RGS7: variants seen among roughly 807,000 people sequenced by gnomAD.
The protein encoded by RGS7 is regulator of G protein signaling 7.
RGS7 carries 27 observed loss-of-function variants against 81.1 expected under a neutral mutation model. The observed-to-expected ratio is 0.33, with a 90% confidence interval of 0.25 to 0.46. The LOEUF (loss-of-function observed/expected upper bound fraction) is 0.46. Ranked by LOEUF, RGS7 falls within the 20% of genes least tolerant of loss-of-function variation. The pLI is 1.00. For missense variants in RGS7, 396 were observed against 607.4 expected (o/e 0.65, Z 3.66); for synonymous variants, 208 against 207.7 (o/e 1.00, Z -0.01).
rs770302201 is a variant in RGS7, at chr1:240,801,560, A to G, written c.1360-52T>C. On this transcript the variant is annotated intron_variant, in intron 16 of 18. Coordinates refer to ENST00000440928, the MANE Select transcript of RGS7 (RefSeq NM_001364886.1). ...GAAGGGAAATAAGGGAAGATTAAAA[A>G]AAAGAAAGAAAGCAAGGAAAACAGA... The G allele has an allele frequency of 1.5e-5, 19 of 1,245,432 alleles. No individual in the cohort carries two copies. In the East Asian group the frequency reaches 3.5e-4, roughly 23 times the overall value. The allele number at this position is 1,245,432 out of a possible 1,614,324, so 77.1% of individuals were successfully genotyped here.
intron 3 of RGS7, among the ~76,000 whole-genome samples, chr1:240,995,660 T>C (rs1405084283): frequency 6.6e-6 from 1 of 151,944 alleles, no homozygotes; most frequent in Non-Finnish European, 1.5e-5. Flanking sequence ...GCAGGTTTTG[T>C]AGTCATTTCC....
At chr1:240,930,638 A>G (rs1209566303) in intron 6 of RGS7, 79 bp downstream of exon 6, 1 of 1,335,438 alleles carries the variant, frequency 7.5e-7, no homozygotes, top group Non-Finnish European at 1.1e-6. Flanking sequence ...TTCTTAATGA[A>G]AAAAGCAATA....
chr1:241,191,800 CGATTTCATGTTGGT>C (rs887501563), intron 2 of RGS7, among the ~76,000 whole-genome samples: 3 of 152,140 alleles, frequency 2.0e-5, no homozygotes, highest in Non-Finnish European at 4.4e-5. Flanking sequence ...TTCAAATTCT[CGATTTCATGTTGGT>C]TTACTTGTAA....
intron 4 of RGS7, among the ~76,000 whole-genome samples, chr1:240,970,246 C>T (rs572373295): frequency 1.1e-4 from 16 of 152,238 alleles, no homozygotes; most frequent in African/African-American, 2.2e-4. Flanking sequence ...CCTTTATCAA[C>T]GGGAAAGATG....
intron 10 of RGS7, among the ~76,000 whole-genome samples, chr1:240,820,551 G>T (rs1211314663): frequency 6.6e-6 from 1 of 152,022 alleles, no homozygotes; most frequent in Admixed American, 6.5e-5. Flanking sequence ...CCCCTAATGT[G>T]ATGGTATTAA....
At chr1:241,329,404 A>T (rs10926461) in intron 2 of RGS7, among the ~76,000 whole-genome samples, 2,026 of 152,306 alleles carry the variant, frequency 0.013, 54 homozygotes, top group African/African-American at 0.046. Flanking sequence ...TTGCTTACGG[A>T]GTTTAAAATT....
chr1:241,202,842 G>A (rs2815871), intron 2 of RGS7, among the ~76,000 whole-genome samples: 34,899 of 151,892 alleles, frequency 0.23, 6,043 homozygotes, highest in African/African-American at 0.49. Context: ...TCTATGACCC[G>A]CCTTCAGGAA....
At chr1:241,283,466 T>C (rs2078631925) in intron 2 of RGS7, among the ~76,000 whole-genome samples, 2 of 152,178 alleles carry the variant, frequency 1.3e-5, no homozygotes, top group Admixed American at 1.3e-4. Flanking sequence ...AAATGTGTCA[T>C]TTCCTTCTGG....
chr1:241,101,504 AAAAT>A (rs1464876608), intron 2 of RGS7, among the ~76,000 whole-genome samples: 2 of 152,108 alleles, frequency 1.3e-5, no homozygotes, highest in East Asian at 1.9e-4. Context: ...TCAAAAACAA[AAAAT>A]AAATAAATAA....
At chr1:241,349,829 A>G (rs557619008) in intron 2 of RGS7, among the ~76,000 whole-genome samples, 2 of 152,348 alleles carry the variant, frequency 1.3e-5, no homozygotes, top group South Asian at 4.1e-4. Flanking sequence ...ACTTAACATT[A>G]AAGTCACTAA....
At chr1:241,160,047 C>A (rs1169596772) in intron 2 of RGS7, among the ~76,000 whole-genome samples, 1 of 142,040 alleles carries the variant, frequency 7.0e-6, no homozygotes, top group Non-Finnish European at 1.5e-5. Context: ...GGAGGTGAAG[C>A]TTGCAGTGAG....
At chr1:240,870,009 CTGTGCATTCTAT>C in intron 7 of RGS7, 34 bp downstream of exon 7, 2 of 1,474,220 alleles carry the variant, frequency 1.4e-6, no homozygotes, top group Non-Finnish European at 1.9e-6. Flanking sequence ...GGCCTTACTG[CTGTGCATTCTAT>C]GACTATCTTT....
intron 6 of RGS7, among the ~76,000 whole-genome samples, chr1:240,899,427 T>C (rs1411229879): frequency 6.6e-6 from 1 of 152,216 alleles, no homozygotes; most frequent in Non-Finnish European, 1.5e-5. Context: ...TGGTACCAGT[T>C]GTTCCTTTCC....
intron 2 of RGS7, among the ~76,000 whole-genome samples, chr1:241,204,130 A>G (rs112561670): frequency 6.6e-6 from 1 of 152,218 alleles, no homozygotes; most frequent in African/African-American, 2.4e-5. Flanking sequence ...GCCTGAAATG[A>G]TGGGAGGAAC....
At chr1:240,944,795 C>T (rs1348020019) in intron 4 of RGS7, among the ~76,000 whole-genome samples, 2 of 152,176 alleles carry the variant, frequency 1.3e-5, no homozygotes, top group Non-Finnish European at 2.9e-5. Context: ...CTCACTGCAA[C>T]CTCCGCCTTC....
chr1:241,036,639 T>A (rs1480924026), intron 3 of RGS7, among the ~76,000 whole-genome samples: 2 of 152,232 alleles, frequency 1.3e-5, no homozygotes, highest in Admixed American at 1.3e-4. Context: ...TTAAATTACA[T>A]GATAAGTAAT....
At chr1:241,310,559 T>C (rs1296589428) in intron 2 of RGS7, among the ~76,000 whole-genome samples, 1 of 151,918 alleles carries the variant, frequency 6.6e-6, no homozygotes, top group Non-Finnish European at 1.5e-5. Context: ...ATGTCTTTTT[T>C]TTTTTTTTTA....
intron 2 of RGS7, among the ~76,000 whole-genome samples, chr1:241,101,598 C>A (rs1321701610): frequency 6.6e-6 from 1 of 152,120 alleles, no homozygotes; most frequent in East Asian, 1.9e-4. Flanking sequence ...TACCCCACTT[C>A]TTTTGTAATA....
chr1:241,220,860 C>G (rs1363141546), intron 2 of RGS7, among the ~76,000 whole-genome samples: 1 of 151,412 alleles, frequency 6.6e-6, no homozygotes, highest in East Asian at 1.9e-4. Flanking sequence ...ATGTTTGCAC[C>G]ACTGCACTCC....
Sources: gnomAD v4.1 joint callset for allele counts (sites outside exome capture counted in the v4.1 genomes callset) on GRCh38, gnomAD v4.1.1 for gene constraint, MANE v1.5 for transcripts, NCBI Gene and HGNC (gene_info 2026-07-23, HGNC 2026-07-21) for gene names.